The following LIMS1 variants were observed in gnomAD, a reference collection of about 807,000 sequenced individuals.
LIMS1 encodes the protein LIM zinc finger domain containing 1.
LIMS1 carries 18 observed loss-of-function variants against 44.1 expected under a neutral mutation model. The ratio of observed to expected loss-of-function variants is 0.41; its 90% CI spans 0.28 to 0.61. LIMS1 has a LOEUF of 0.61. Ranked by LOEUF, LIMS1 falls within the 20% of genes least tolerant of loss-of-function variation. The pLI is 0.32. For synonymous variants in LIMS1, 93 were observed against 149.1 expected, an observed-to-expected ratio of 0.62 and a Z score of 2.74; for missense variants, 201 against 422.0, an observed-to-expected ratio of 0.48 and a Z score of 4.59.
At chr2:108,567,621 G>A (rs903416773) in intron 1 of LIMS1, among the ~76,000 whole-genome samples, 5 of 152,122 alleles carry the variant, frequency 3.3e-5, no homozygotes, top group African/African-American at 9.7e-5. Flanking sequence ...ATCCAGGCTG[G>A]AGTGCAATGT....
intron 1 of LIMS1, among the ~76,000 whole-genome samples, chr2:108,622,170 C>T (rs1378267385): frequency 1.3e-5 from 2 of 152,134 alleles, no homozygotes; most frequent in East Asian, 3.8e-4. Context: ...TCCTGTTTTA[C>T]TGATGACAGA....
intron 1 of LIMS1, chr2:108,621,415 C>T (rs1047210248): frequency 6.4e-7 from 1 of 1,551,160 alleles, no homozygotes; most frequent in Non-Finnish European, 8.7e-7. Flanking sequence ...AAGACGAGAT[C>T]GCCCCGATAG....
chr2:108,677,275 T>G, intron 7 of LIMS1: 1 of 152,682 alleles, frequency 6.5e-6, no homozygotes, highest in Non-Finnish European at 1.5e-5. Context: ...AGAGGGCCCC[T>G]AACCCCTTTT....
intron 9 of LIMS1, chr2:108,681,562 A>AT (rs1273684136): frequency 1.0e-6 from 1 of 958,170 alleles, no homozygotes; most frequent in Non-Finnish European, 1.2e-6. Flanking sequence ...CGATCATTTA[A>AT]TTGATAAATT....
At chr2:108,671,801 A>G (rs1177119632) in intron 3 of LIMS1, among the ~76,000 whole-genome samples, 3 of 152,244 alleles carry the variant, frequency 2.0e-5, no homozygotes. Flanking sequence ...AAACAGCCCA[A>G]AAATGTGGCT....
chr2:108,627,402 T>G (rs890075261), intron 1 of LIMS1, among the ~76,000 whole-genome samples: 4 of 3,574 alleles, frequency 1.1e-3, no homozygotes, highest in Non-Finnish European at 1.5e-3. Flanking sequence ...CCTTTCTGGT[T>G]TTTTTTTTTT....
exon 10 of LIMS1, chr2:108,685,316 C>T (rs1693243199): frequency 6.6e-6 from 1 of 152,140 alleles, no homozygotes; most frequent in South Asian, 2.1e-4. Flanking sequence ...CAGGACCACT[C>T]TTCCTTAATA....
At chr2:108,673,258 C>T (rs972145420) in intron 5 of LIMS1, 23 of 630,944 alleles carry the variant, frequency 3.6e-5, no homozygotes, top group Non-Finnish European at 5.4e-5. Flanking sequence ...TCCACATTCT[C>T]GTTTCACCCT....
At chr2:108,656,769 A>G in intron 1 of LIMS1, among the ~76,000 whole-genome samples, 1 of 135,352 alleles carries the variant, frequency 7.4e-6, no homozygotes, top group Non-Finnish European at 1.6e-5. Context: ...CTACTTGAGT[A>G]TTTGAACTTA....
At chr2:108,614,292 C>A (rs1687817123) in intron 1 of LIMS1, among the ~76,000 whole-genome samples, 1 of 152,220 alleles carries the variant, frequency 6.6e-6, no homozygotes, top group Admixed American at 6.5e-5. Context: ...CTTGCTCTCT[C>A]ACCACCCAGA....
At chr2:108,548,018 CTT>C (rs1266640751) in intron 1 of LIMS1, among the ~76,000 whole-genome samples, 1 of 152,126 alleles carries the variant, frequency 6.6e-6, no homozygotes, top group Admixed American at 6.5e-5. Flanking sequence ...CTGGTTTTCT[CTT>C]TTTAAAAATG....
intron 1 of LIMS1, among the ~76,000 whole-genome samples, chr2:108,577,604 C>G (rs1573360333): frequency 6.6e-6 from 1 of 152,186 alleles, no homozygotes; most frequent in African/African-American, 2.4e-5. Flanking sequence ...TTAACACTTG[C>G]ATTTGCTCAA....
At chr2:108,669,800 A>G (rs1474880037) in intron 2 of LIMS1, among the ~76,000 whole-genome samples, 7 of 152,110 alleles carry the variant, frequency 4.6e-5, no homozygotes. Context: ...GTGGAAAGCC[A>G]TATTGATGCA....
chr2:108,634,362 G>A (rs1689096032), intron 1 of LIMS1, among the ~76,000 whole-genome samples: 1 of 152,218 alleles, frequency 6.6e-6, no homozygotes. Flanking sequence ...TGAGGAAAGA[G>A]AAGAAATAAT....
At chr2:108,676,509 T>C (rs763009062) in intron 6 of LIMS1, 97 bp from the exon 7 acceptor site, 26 of 1,420,538 alleles carry the variant, frequency 1.8e-5, no homozygotes, top group South Asian at 4.0e-5. Context: ...TCTCAAACTT[T>C]CCTTCATCTT....
At chr2:108,656,624 T>C (rs1283058151) in intron 1 of LIMS1, among the ~76,000 whole-genome samples, 2 of 150,996 alleles carry the variant, frequency 1.3e-5, no homozygotes, top group African/African-American at 4.8e-5. Context: ...GTTTCCTTTT[T>C]CCCCCTGCTT....
intron 3 of LIMS1, among the ~76,000 whole-genome samples, chr2:108,671,787 C>A (rs1248490482): frequency 6.6e-6 from 1 of 152,156 alleles, no homozygotes; most frequent in Non-Finnish European, 1.5e-5. Flanking sequence ...TCAGAGATGA[C>A]ACAAAACAGC....
intron 1 of LIMS1, among the ~76,000 whole-genome samples, chr2:108,624,951 C>T (rs1688476196): frequency 6.6e-6 from 1 of 152,008 alleles, no homozygotes; most frequent in South Asian, 2.1e-4. Flanking sequence ...TGGTGGCGCA[C>T]ACCTATGGTC....
At chr2:108,639,109 A>T (rs1268245231) in intron 1 of LIMS1, among the ~76,000 whole-genome samples, 1 of 152,116 alleles carries the variant, frequency 6.6e-6, no homozygotes, top group Non-Finnish European at 1.5e-5. Flanking sequence ...CACCTTTGCG[A>T]TACAGAACAC....
Sources: allele counts gnomAD v4.1 joint callset (sites outside exome capture counted in the v4.1 genomes callset), GRCh38; gene constraint gnomAD v4.1.1; transcripts MANE v1.5; gene names NCBI Gene and HGNC (gene_info 2026-07-23, HGNC 2026-07-21).